FSTL5: variants seen among roughly 807,000 people sequenced by gnomAD.
The protein encoded by FSTL5 is follistatin-related protein 5.
FSTL5 carries 62 observed loss-of-function variants against 89.1 expected under a neutral mutation model. That is an observed-to-expected ratio of 0.70 (90% CI 0.57 to 0.86). The LOEUF (loss-of-function observed/expected upper bound fraction) is 0.86. Among genes scored for constraint, FSTL5 ranks in the 40% least tolerant of loss-of-function variants. The pLI is 0.00. For missense variants in FSTL5, 1,057 were observed against 1,001.6 expected, an observed-to-expected ratio of 1.06 and a Z score of -0.75; for synonymous variants, 383 against 346.2, an observed-to-expected ratio of 1.11 and a Z score of -1.18.
intron 2 of FSTL5, among the ~76,000 whole-genome samples, chr4:162,038,384 G>T (rs1235599447): frequency 1.3e-5 from 2 of 151,934 alleles, no homozygotes; most frequent in East Asian, 3.9e-4. Flanking sequence ...AAGACAATCT[G>T]GGAAGAAGTA....
intron 2 of FSTL5, chr4:162,047,256 G>A (rs1046109957): frequency 1.3e-5 from 2 of 151,988 alleles, no homozygotes; most frequent in South Asian, 4.2e-4. Context: ...AAATAGTGTT[G>A]AGACTAGTTT....
chr4:161,849,910 CA>C (rs1159245364), intron 4 of FSTL5, among the ~76,000 whole-genome samples: 1 of 152,060 alleles, frequency 6.6e-6, no homozygotes, highest in Non-Finnish European at 1.5e-5. Flanking sequence ...AATCCCTAGG[CA>C]AAATCAGGTC....
chr4:162,079,867 G>A (rs13151835), intron 2 of FSTL5, among the ~76,000 whole-genome samples: 36,257 of 151,174 alleles, frequency 0.24, 5,053 homozygotes, highest in Non-Finnish European at 0.32. Flanking sequence ...TGAGGAGCAA[G>A]AAACTATTGT....
chr4:161,646,388 A>G (rs1309295080), intron 7 of FSTL5, among the ~76,000 whole-genome samples: 2 of 149,072 alleles, frequency 1.3e-5, no homozygotes, highest in South Asian at 2.1e-4. Context: ...AGAAGCCTCA[A>G]CTATTAAAAT....
chr4:161,759,463 A>G lies in FSTL5; in HGVS notation c.675T>C (p.Asp225=), dbSNP rs1014126190. 2.6e-5 allele frequency: 41 copies of G among 1,596,900 alleles called. No individual in the cohort carries two copies. The highest frequency in any genetic ancestry group is 4.6e-5 in the East Asian group (2 of 43,636). ...DCTLYVLLKY[D]DFNADKHLAL... is the part of the protein sequence containing the mutation. ...CCAGGTGCTTGTCAGCATTAAAATC[A>G]TCATATTTCAATAGAACATACAAAG... The change falls in exon 6 of 16, where the codon GAT becomes GAC. Residue 225 remains aspartate, a synonymous_variant. Coordinates refer to ENST00000306100, the MANE Select transcript of FSTL5 (RefSeq NM_020116.5).
At chr4:161,730,958 C>G (rs1221972123) in intron 6 of FSTL5, among the ~76,000 whole-genome samples, 1 of 152,064 alleles carries the variant, frequency 6.6e-6, no homozygotes, top group African/African-American at 2.4e-5. Flanking sequence ...ATTGACAGTG[C>G]CCATGCAAAG....
At chr4:161,936,725 T>G (rs949761958) in intron 3 of FSTL5, among the ~76,000 whole-genome samples, 2 of 152,146 alleles carry the variant, frequency 1.3e-5, no homozygotes, top group Non-Finnish European at 2.9e-5. Flanking sequence ...TGCAGGTTTA[T>G]TCTTTCAGGA....
chr4:161,492,296 C>T (rs1729907481), intron 12 of FSTL5, among the ~76,000 whole-genome samples: 1 of 152,030 alleles, frequency 6.6e-6, no homozygotes, highest in East Asian at 1.9e-4. Context: ...AGTAAACAAA[C>T]CTCAGTGCAC....
Position 161,716,799 on chromosome 4 carries a change from G to T in FSTL5, c.727+42612C>A, listed in dbSNP as rs542827169. The stretch of plus-strand genomic sequence containing the variant: ...ATCCTCAGTGCCAAGTACAAACCTG[G>T]ACAGTGACTAAGGTATAATATTTGT... On this transcript the variant is annotated intron_variant, in intron 6 of 15. Coordinates refer to ENST00000306100, the MANE Select transcript of FSTL5 (RefSeq NM_020116.5). Among the ~76,000 whole-genome samples the T allele has an allele frequency of 9.9e-5, 15 of 152,172 alleles. 1 individual carries two copies. The South Asian group carries it at 1.7e-3, about 17-fold the overall frequency.
chr4:161,800,495 A>C (rs1267963459), intron 4 of FSTL5, among the ~76,000 whole-genome samples: 1 of 151,684 alleles, frequency 6.6e-6, no homozygotes, highest in Non-Finnish European at 1.5e-5. Flanking sequence ...GTCTTTGAAA[A>C]GAGAAAATCT....
At chr4:161,626,414 G>A (rs780771182) in intron 7 of FSTL5, among the ~76,000 whole-genome samples, 9 of 152,124 alleles carry the variant, frequency 5.9e-5, no homozygotes, top group Non-Finnish European at 1.2e-4. Context: ...CTGGATCATA[G>A]CACATCTGTT....
In FSTL5 at chr4:161,990,291, A is replaced by G. The variant is rs141962849; in HGVS notation, c.160+43334T>C. On this transcript the variant is annotated intron_variant, in intron 3 of 15. Transcript: ENST00000306100. ...ACACTGGAAAAATATAATAGACTCTAACAAAATGCCTTCTTTATCTAAACA... is the reference window on the plus strand; with the variant it reads ...ACACTGGAAAAATATAATAGACTCTGACAAAATGCCTTCTTTATCTAAACA... Among the ~76,000 whole-genome samples, 345 of 152,232 alleles carry G rather than the reference A, an allele frequency of 2.3e-3. 2 individuals carry two copies. The highest frequency in any genetic ancestry group is 8.0e-3 in the African/African-American group (331 of 41,568).
At chr4:161,404,871 AAC>A (rs1380674991) in intron 15 of FSTL5, among the ~76,000 whole-genome samples, 1 of 152,158 alleles carries the variant, frequency 6.6e-6, no homozygotes, top group African/African-American at 2.4e-5. Flanking sequence ...AAAAGAAATT[AAC>A]AAAAACTTTC....
chr4:161,514,417 A>T (rs1730748601), intron 10 of FSTL5, among the ~76,000 whole-genome samples: 1 of 152,168 alleles, frequency 6.6e-6, no homozygotes, highest in Admixed American at 6.6e-5. Flanking sequence ...AAGAGCTAGA[A>T]AATGGGTTCA....
At chr4:162,138,472 G>GA (rs1290034061) in intron 1 of FSTL5, among the ~76,000 whole-genome samples, 1 of 151,840 alleles carries the variant, frequency 6.6e-6, no homozygotes, top group Non-Finnish European at 1.5e-5. Flanking sequence ...AGAATAGAAG[G>GA]AAAATCCTTA....
intron 4 of FSTL5, among the ~76,000 whole-genome samples, chr4:161,853,260 TTTG>T (rs529478220): frequency 9.2e-5 from 14 of 152,028 alleles, no homozygotes; most frequent in African/African-American, 2.7e-4. Flanking sequence ...AAGTGACTTG[TTTG>T]TTGTTGTTGT....
chr4:161,605,986 G>A (rs993405770), intron 7 of FSTL5, among the ~76,000 whole-genome samples: 2 of 152,096 alleles, frequency 1.3e-5, no homozygotes, highest in African/African-American at 4.8e-5. Flanking sequence ...TGCGTGACAT[G>A]GCCTGCTCTC....
intron 7 of FSTL5, among the ~76,000 whole-genome samples, chr4:161,651,635 GT>G (rs898614808): frequency 6.6e-6 from 1 of 152,064 alleles, no homozygotes; most frequent in African/African-American, 2.4e-5. Flanking sequence ...GATTTAAAGT[GT>G]TTTTTCTCAT....
At position 161,437,570 on chromosome 4, in the gene FSTL5, A is replaced by AACAAAAC. The variant is rs1474544405; in HGVS notation, c.1841+17433_1841+17434insGTTTTGT. ...GACAGAGTGAGACTCCGTCTCAAAA[A>AACAAAAC]AAAAAAAAAAAACGAGGTCAGAAAA... On this transcript the variant is annotated intron_variant, in intron 15 of 15. Transcript: ENST00000306100. 5.3e-5 allele frequency among the ~76,000 whole-genome samples: 6 copies of AACAAAAC among 113,018 alleles called. 1 individual carries two copies. Among genetic ancestry groups the AACAAAAC allele is most frequent in the South Asian group, 6.4e-4 (2 of 3,114 alleles). 74.1% of individuals were successfully genotyped at this position (113,018 alleles called of 152,430 possible). A position where few individuals can be genotyped will look rare whatever the true frequency, so the allele number is the denominator to read the frequency against.
Sources: allele counts gnomAD v4.1 joint callset (sites outside exome capture counted in the v4.1 genomes callset), GRCh38; gene constraint gnomAD v4.1.1; transcripts MANE v1.5; gene names NCBI Gene and HGNC (gene_info 2026-07-23, HGNC 2026-07-21).